Variants in PDE8B observed in about 807,000 individuals in gnomAD.
The protein encoded by PDE8B is high affinity cAMP-specific and IBMX-insensitive 3',5'-cyclic phosphodiesterase 8B.
Under a neutral mutation model 101.3 loss-of-function variants are expected in PDE8B, and 26 were observed. The ratio of observed to expected loss-of-function variants is 0.26; its 90% CI spans 0.19 to 0.36. PDE8B has a LOEUF of 0.36. Among genes scored for constraint, PDE8B ranks in the 10% least tolerant of loss-of-function variants. PDE8B has a pLI of 1.00. For synonymous variants in PDE8B, 424 were observed against 429.3 expected (o/e 0.99, Z 0.15); for missense variants, 810 against 1,163.1 (o/e 0.70, Z 4.42).
the PDE8B span, among the ~76,000 whole-genome samples, chr5:77,142,836 G>A: frequency 6.6e-6 from 1 of 151,820 alleles, no homozygotes; most frequent in East Asian, 1.9e-4. Context: ...GGATAAGTAA[G>A]CTACTCATTT....
chr5:77,284,483 T>C (rs1229862342), intron 1 of PDE8B, among the ~76,000 whole-genome samples: 2 of 152,246 alleles, frequency 1.3e-5, no homozygotes, highest in Admixed American at 6.5e-5. Flanking sequence ...ATTTCCTTTT[T>C]ATAAACTTTT....
At chr5:77,150,430 T>A in the PDE8B span, among the ~76,000 whole-genome samples, 1 of 152,166 alleles carries the variant, frequency 6.6e-6, no homozygotes, top group Non-Finnish European at 1.5e-5. Flanking sequence ...TCTCCCTTCC[T>A]CTTTCCCTTC....
the PDE8B span, among the ~76,000 whole-genome samples, chr5:77,110,071 G>C: frequency 6.7e-6 from 1 of 150,264 alleles, no homozygotes; most frequent in South Asian, 2.1e-4. Flanking sequence ...CCAAATAGCT[G>C]GGATTACAAG....
chr5:77,272,887 T>C (rs910195495), intron 1 of PDE8B, among the ~76,000 whole-genome samples: 13 of 152,294 alleles, frequency 8.5e-5, no homozygotes, highest in African/African-American at 3.1e-4. Context: ...AAGTTCATTA[T>C]TTTTTAATGT....
intron 1 of PDE8B, among the ~76,000 whole-genome samples, chr5:77,282,367 C>A (rs951970564): frequency 6.6e-6 from 1 of 152,010 alleles, no homozygotes; most frequent in South Asian, 2.1e-4. Context: ...TGTGAATAAC[C>A]CTGAGTTTCC....
At chr5:77,112,197 A>G in the PDE8B span, 4 of 152,176 alleles carry the variant, frequency 2.6e-5, no homozygotes, top group African/African-American at 9.7e-5. Context: ...TGTACTGGAC[A>G]GCACAGGTTT....
chr5:77,235,532 G>T (rs1490017514), intron 1 of PDE8B, among the ~76,000 whole-genome samples: 1 of 152,190 alleles, frequency 6.6e-6, no homozygotes, highest in Non-Finnish European at 1.5e-5. Flanking sequence ...ACAAGTAAAT[G>T]TTGAGTGCCT....
the PDE8B span, among the ~76,000 whole-genome samples, chr5:77,095,589 G>C: frequency 4.6e-5 from 7 of 152,148 alleles, no homozygotes; most frequent in South Asian, 1.4e-3. Context: ...GGCATTGTTT[G>C]TGCTATTCAT....
At chr5:77,110,525 G>A in the PDE8B span, among the ~76,000 whole-genome samples, 1 of 152,210 alleles carries the variant, frequency 6.6e-6, no homozygotes, top group East Asian at 1.9e-4. Flanking sequence ...TACAAGGGCT[G>A]CCAGTGAATA....
intron 7 of PDE8B, among the ~76,000 whole-genome samples, chr5:77,348,698 T>C (rs569461073): frequency 6.6e-6 from 1 of 152,316 alleles, no homozygotes. Context: ...TGTTTGTTTA[T>C]AAGAGACAGG....
chr5:77,141,331 G>T, the PDE8B span: 1 of 152,200 alleles, frequency 6.6e-6, no homozygotes, highest in East Asian at 1.9e-4. Flanking sequence ...TAGAAGCAAT[G>T]AATATACATT....
At chr5:77,419,689 G>A in intron 18 of PDE8B, 78 bp from the exon 19 acceptor site, 1 of 1,532,342 alleles carries the variant, frequency 6.5e-7, no homozygotes, top group Non-Finnish European at 9.0e-7. Flanking sequence ...GTTGTGAGGA[G>A]TGTAGTGAAA....
chr5:77,292,952 GT>G (rs1452029144), intron 1 of PDE8B, among the ~76,000 whole-genome samples: 1 of 151,692 alleles, frequency 6.6e-6, no homozygotes, highest in African/African-American at 2.4e-5. Context: ...CACTTAAATT[GT>G]TTTTCAATAT....
intron 10 of PDE8B, 69 bp from the exon 11 acceptor site, chr5:77,400,179 A>ATG: frequency 9.5e-7 from 1 of 1,054,838 alleles, no homozygotes; most frequent in Non-Finnish European, 1.5e-6. Flanking sequence ...AAATTGTTTG[A>ATG]TGAGAAATAT....
intron 10 of PDE8B, among the ~76,000 whole-genome samples, chr5:77,395,966 C>T (rs1306470956): frequency 6.6e-6 from 1 of 152,222 alleles, no homozygotes; most frequent in Non-Finnish European, 1.5e-5. Context: ...GCTGGCTGTT[C>T]CCTCAGGAAT....
intron 1 of PDE8B, among the ~76,000 whole-genome samples, chr5:77,295,735 C>T (rs1243394738): frequency 6.6e-6 from 1 of 152,104 alleles, no homozygotes; most frequent in Admixed American, 6.5e-5. Context: ...AGAAAAAAGC[C>T]AATTAATTGG....
chr5:77,205,910 C>G (rs758018228), upstream of PDE8B, among the ~76,000 whole-genome samples: 24 of 152,028 alleles, frequency 1.6e-4, no homozygotes, highest in Non-Finnish European at 3.2e-4. Context: ...TGAATTATCT[C>G]TAGTTTCATT....
chr5:77,251,915 C>G (rs767918140), intron 1 of PDE8B, among the ~76,000 whole-genome samples: 6 of 152,098 alleles, frequency 3.9e-5, no homozygotes, highest in Non-Finnish European at 8.8e-5. Context: ...AAATTTAAGC[C>G]TTTGTTTTTA....
intron 11 of PDE8B, among the ~76,000 whole-genome samples, chr5:77,401,550 T>C (rs1374759783): frequency 6.6e-6 from 1 of 152,196 alleles, no homozygotes; most frequent in East Asian, 1.9e-4. Flanking sequence ...TTCTTATCAG[T>C]AAAATGGGGA....
Sources: gnomAD v4.1 joint callset for allele counts (sites outside exome capture counted in the v4.1 genomes callset) on GRCh38, gnomAD v4.1.1 for gene constraint, MANE v1.5 for transcripts, NCBI Gene and HGNC (gene_info 2026-07-23, HGNC 2026-07-21) for gene names.